Variants in TLE1 observed in about 807,000 individuals in gnomAD.
The protein encoded by TLE1 is TLE family member 1, transcriptional corepressor.
TLE1 carries 21 observed loss-of-function variants against 89.8 expected under a neutral mutation model. The ratio of observed to expected loss-of-function variants is 0.23; its 90% CI spans 0.17 to 0.34. The LOEUF is 0.34. Among genes scored for constraint, TLE1 ranks in the 10% least tolerant of loss-of-function variants. The pLI, the probability that TLE1 is intolerant of heterozygous loss-of-function variation, is 1.00. For synonymous variants in TLE1, 447 were observed against 407.6 expected (o/e 1.10, Z -1.16); for missense variants, 795 against 1,031.2 (o/e 0.77, Z 3.14).
chr9:81,592,782 G>T (rs1829723267), intron 15 of TLE1, among the ~76,000 whole-genome samples: 1 of 152,154 alleles, frequency 6.6e-6, no homozygotes, highest in African/African-American at 2.4e-5. Context: ...GAGAGCCTCT[G>T]TAAACCACTG....
rs371027999 is a variant in TLE1, at chr9:81,673,060, G to A, written c.234+12616C>T. Among the ~76,000 whole-genome samples the A allele has an allele frequency of 2.6e-5, 4 of 151,778 alleles. No individual in the cohort carries two copies. In the East Asian group the frequency reaches 5.8e-4, roughly 22 times the overall value. On this transcript the variant is annotated intron_variant, in intron 4 of 19. Coordinates refer to ENST00000376499, the MANE Select transcript of TLE1 (RefSeq NM_005077.5). Reference sequence around the variant, plus strand: ...GGCTGAGGGAGGCAGATTACTTGAGGTCAGGAGTTTGTGACCAGCCTGGCC... The same window carrying A: ...GGCTGAGGGAGGCAGATTACTTGAGATCAGGAGTTTGTGACCAGCCTGGCC...
intron 1 of TLE1, 135 bp downstream of exon 1, chr9:81,688,082 C>T (rs1342615975): frequency 2.6e-6 from 3 of 1,162,150 alleles, no homozygotes; most frequent in East Asian, 2.8e-5. Flanking sequence ...AGAGAGGGCC[C>T]CAGACCTCCC....
At chr9:81,673,850 G>A (rs73470176) in intron 4 of TLE1, among the ~76,000 whole-genome samples, 3,012 of 152,228 alleles carry the variant, frequency 0.02, 101 homozygotes, top group African/African-American at 0.067. Flanking sequence ...AAAGAGCTGA[G>A]AAAGACAACT....
intron 4 of TLE1, among the ~76,000 whole-genome samples, chr9:81,665,065 A>C (rs996213641): frequency 6.6e-6 from 1 of 152,232 alleles, no homozygotes; most frequent in Non-Finnish European, 1.5e-5. Flanking sequence ...GCCTAAGATC[A>C]GAACAAGACA....
In TLE1 at chr9:81,642,458, G is replaced by A. The variant is rs567121162; in HGVS notation, c.373-8157C>T. On this transcript the variant is annotated intron_variant, in intron 6 of 19. Transcript: ENST00000376499. ...CTGTAATCCCAGCCTTTGGGAGGCCGAGGAAGGTGGATCACCTGAGGTCAG... is the reference window on the plus strand; with the variant it reads ...CTGTAATCCCAGCCTTTGGGAGGCCAAGGAAGGTGGATCACCTGAGGTCAG... Among the ~76,000 whole-genome samples, 315 of 152,074 alleles carry A rather than the reference G, an allele frequency of 2.1e-3. 1 individual carries two copies. Among genetic ancestry groups the A allele is most frequent in the African/African-American group, 6.8e-3 (281 of 41,510 alleles).
chr9:81,686,906 G>A lies in TLE1; in HGVS notation c.125+428C>T, dbSNP rs183126559. Among the ~76,000 whole-genome samples the A allele has an allele frequency of 3.9e-3, 586 of 152,162 alleles. 5 individuals carry two copies. Among genetic ancestry groups the A allele is most frequent in the African/African-American group, 0.013 (558 of 41,476 alleles). ...TATAAGCATCTAGCCTTCCTTAATG[G>A]ACTTTGCCTCAGAAAACCCAATTTT... On this transcript the variant is annotated intron_variant, in intron 2 of 19. Coordinates refer to ENST00000376499, the MANE Select transcript of TLE1 (RefSeq NM_005077.5).
At chr9:81,620,909 C>G (rs151023920) in intron 8 of TLE1, 213 of 549,118 alleles carry the variant, frequency 3.9e-4, no homozygotes, top group Middle Eastern at 1.8e-3. Context: ...ATACGAATGG[C>G]CTATGAGCAA....
In TLE1 at chr9:81,634,056, T is replaced by G. The variant is rs749362927; in HGVS notation, c.577+41A>C. ...ACACAACTTTGCAGCACTGTAAGAG[T>G]ATGAGGACAAAGTCCTAATCTGGCT... On this transcript the variant is annotated intron_variant, in intron 7 of 19. Coordinates refer to ENST00000376499, the MANE Select transcript of TLE1 (RefSeq NM_005077.5). The G allele has an allele frequency of 3.8e-6, 6 of 1,572,132 alleles. No homozygotes were observed. The Admixed American group carries it at 1.1e-4, about 28-fold the overall frequency.
chr9:81,684,649 G>A (rs1179859547), intron 4 of TLE1, among the ~76,000 whole-genome samples: 1 of 152,190 alleles, frequency 6.6e-6, no homozygotes, highest in Non-Finnish European at 1.5e-5. Flanking sequence ...AATGAAACAA[G>A]GGTTTGAGAT....
At chr9:81,687,257 G>A (rs1834412108) in intron 2 of TLE1, 77 bp downstream of exon 2, 3 of 1,256,580 alleles carry the variant, frequency 2.4e-6, no homozygotes, top group Admixed American at 2.1e-5. Context: ...CTAAGTACAG[G>A]CGCCGCCGCC....
rs1407503822 is a variant in TLE1 at position 81,679,084 on chromosome 9, G to A, written c.234+6592C>T. ...AATCACCTGAACCCAGGAGGCGGAG[G>A]CTGCAGTGAACCAAGATTGCGCTAC... is the stretch of plus-strand genomic sequence containing the variant. On this transcript the variant is annotated intron_variant, in intron 4 of 19. Coordinates refer to ENST00000376499, the MANE Select transcript of TLE1 (RefSeq NM_005077.5). Among the ~76,000 whole-genome samples, 7 of 152,156 alleles carry A rather than the reference G, an allele frequency of 4.6e-5. No homozygotes were observed. The East Asian group carries it at 7.7e-4, about 17-fold the overall frequency.
intron 9 of TLE1, among the ~76,000 whole-genome samples, chr9:81,620,096 G>A (rs866987318): frequency 2.1e-4 from 32 of 152,276 alleles, no homozygotes; most frequent in African/African-American, 7.0e-4. Context: ...AATTGAGAAC[G>A]CAAAGATGGT....
chr9:81,671,574 G>T (rs1346090371), intron 4 of TLE1, among the ~76,000 whole-genome samples: 1 of 151,974 alleles, frequency 6.6e-6, no homozygotes, highest in African/African-American at 2.4e-5. Flanking sequence ...GAACCCGGGA[G>T]GCGAAGCTTG....
At chr9:81,687,140 G>A (rs1264580532) in intron 2 of TLE1, among the ~76,000 whole-genome samples, 194 bp downstream of exon 2, 1 of 152,230 alleles carries the variant, frequency 6.6e-6, no homozygotes, top group African/African-American at 2.4e-5. Flanking sequence ...AACAATGGGA[G>A]GAGGAGGAGA....
intron 17 of TLE1, 91 bp from the exon 18 acceptor site, chr9:81,585,746 T>TG: frequency 2.7e-6 from 4 of 1,487,074 alleles, no homozygotes; most frequent in Admixed American, 2.0e-5. Flanking sequence ...ATAGCAAGAA[T>TG]GGGGGGAAGT....
chr9:81,654,011 G>A lies in TLE1; in HGVS notation c.260C>T (p.Thr87Met), dbSNP rs149694150. ...KQTEIAKRLN[T>M]ICAQVIPFLS... ...AAATGGGATGACTTGTGCACAAATC[G>A]TATTCAATCTCTTGGCGATTTCAGT... The change falls in exon 5 of 20, where the codon ACG becomes ATG. Residue 87 changes from threonine (T) to methionine (M), a missense_variant. By Grantham distance (81) the Thr-to-Met change is moderately conservative. Coordinates refer to ENST00000376499, the MANE Select transcript of TLE1 (RefSeq NM_005077.5). 39 of 1,613,708 alleles carry A rather than the reference G, an allele frequency of 2.4e-5. No homozygotes were observed. The highest frequency in any genetic ancestry group is 5.0e-5 in the Admixed American group (3 of 59,994).
chr9:81,621,632 GCAACAGTATA>G (rs1336889076), intron 8 of TLE1, among the ~76,000 whole-genome samples: 2 of 152,184 alleles, frequency 1.3e-5, no homozygotes, highest in Admixed American at 6.5e-5. Flanking sequence ...CACATCTAAT[GCAACAGTATA>G]CAACAGGAGC....
intron 4 of TLE1, among the ~76,000 whole-genome samples, chr9:81,658,759 A>C (rs1830430560): frequency 6.6e-6 from 1 of 152,138 alleles, no homozygotes; most frequent in South Asian, 2.1e-4. Context: ...TCTTCCCTTC[A>C]AATAGTCTGG....
At chr9:81,595,666 A>C (rs1270919267) in intron 14 of TLE1, among the ~76,000 whole-genome samples, 5 of 152,028 alleles carry the variant, frequency 3.3e-5, no homozygotes, top group Non-Finnish European at 5.9e-5. Context: ...AAAATACAAA[A>C]AAATCAGCCG....
Sources: gnomAD v4.1 joint callset for allele counts (sites outside exome capture counted in the v4.1 genomes callset) on GRCh38, gnomAD v4.1.1 for gene constraint, MANE v1.5 for transcripts, NCBI Gene and HGNC (gene_info 2026-07-23, HGNC 2026-07-21) for gene names.